The following STK32B variants were observed in gnomAD, a reference collection of about 807,000 sequenced individuals.
The protein encoded by STK32B is serine/threonine-protein kinase 32B.
STK32B carries 43 observed loss-of-function variants against 52.6 expected under a neutral mutation model. The observed-to-expected ratio is 0.82, with a 90% CI of 0.64 to 1.05. The LOEUF is 1.05. STK32B is among the 50% of genes least tolerant of loss of function. The pLI, the probability that STK32B is intolerant of heterozygous loss-of-function variation, is 0.00. For synonymous variants in STK32B, 238 were observed against 204.3 expected, an observed-to-expected ratio of 1.17 and a Z score of -1.41; for missense variants, 621 against 534.6, an observed-to-expected ratio of 1.16 and a Z score of -1.59.
Position 5,496,378 on chromosome 4 carries a change from G to A in STK32B, c.1107-2567G>A, listed in dbSNP as rs147665993. On this transcript the variant is annotated intron_variant, in intron 11 of 11. Transcript: ENST00000282908. ...AGACTCCGTGGGCATAGGACCCTCC[G>A]AGCCAGGTGCGGGATATCTCCTGGT... Among the ~76,000 whole-genome samples, 1,169 of 152,292 alleles carry A rather than the reference G, an allele frequency of 7.7e-3. 16 individuals are homozygous for A. Among genetic ancestry groups the A allele is most frequent in the African/African-American group, 0.027 (1,107 of 41,548 alleles).
At chr4:5,405,816 G>A (rs1479936193) in intron 5 of STK32B, among the ~76,000 whole-genome samples, 2 of 152,076 alleles carry the variant, frequency 1.3e-5, no homozygotes, top group East Asian at 1.9e-4. Flanking sequence ...CAACACTGGG[G>A]ATTACAATTA....
chr4:5,484,608 C>T lies in STK32B; in HGVS notation c.1107-14337C>T, dbSNP rs554461199. The stretch of plus-strand genomic sequence containing the variant: ...TTTACATTTCAGGTTAATATTGTTA[C>T]GTGTGAATTTGATCCTGTCATTATG... On this transcript the variant is annotated intron_variant, in intron 11 of 11. Transcript: ENST00000282908. Among the ~76,000 whole-genome samples, 246 of 152,090 alleles carry T rather than the reference C, an allele frequency of 1.6e-3. 1 individual carries two copies. The highest frequency in any genetic ancestry group is 5.0e-3 in the African/African-American group (209 of 41,506).
intron 3 of STK32B, among the ~76,000 whole-genome samples, chr4:5,233,419 A>G (rs955372438): frequency 6.6e-6 from 1 of 152,176 alleles, no homozygotes; most frequent in African/African-American, 2.4e-5. Flanking sequence ...CAAATAGGAT[A>G]GCTTGTAAAG....
chr4:5,343,575 C>T (rs187506101), intron 4 of STK32B, among the ~76,000 whole-genome samples: 3 of 152,098 alleles, frequency 2.0e-5, no homozygotes, highest in Admixed American at 2.0e-4. Context: ...CAACATAATT[C>T]AAGATGGATT....
chr4:5,314,999 A>G (rs902293717), intron 3 of STK32B, among the ~76,000 whole-genome samples: 1 of 152,216 alleles, frequency 6.6e-6, no homozygotes, highest in Non-Finnish European at 1.5e-5. Context: ...TTGAAGATTT[A>G]TGCTCGGCAG....
At chr4:5,052,703 C>T (rs762649632) in intron 1 of STK32B, among the ~76,000 whole-genome samples, 7 of 152,178 alleles carry the variant, frequency 4.6e-5, no homozygotes, top group Admixed American at 6.5e-5. Flanking sequence ...AGCTTAACCA[C>T]TAGTAATCCA....
At chr4:5,093,705 A>C (rs572202600) in intron 1 of STK32B, among the ~76,000 whole-genome samples, 1 of 147,484 alleles carries the variant, frequency 6.8e-6, no homozygotes, top group East Asian at 2.0e-4. Context: ...TAAAACTTAA[A>C]GTATAATGAA....
intron 11 of STK32B, among the ~76,000 whole-genome samples, chr4:5,495,139 G>A (rs1720105855): frequency 6.6e-6 from 1 of 152,194 alleles, no homozygotes; most frequent in Non-Finnish European, 1.5e-5. Context: ...CTAGATTGGG[G>A]AAGTTCTCCT....
rs963508738 is a variant in STK32B at position 5,373,523 on chromosome 4, G to T, written c.435-24684G>T. Among the ~76,000 whole-genome samples the T allele has an allele frequency of 1.3e-5, 2 of 152,172 alleles. 1 individual carries two copies. The highest frequency in any genetic ancestry group is 2.9e-5 in the Non-Finnish European group (2 of 68,026). On this transcript the variant is annotated intron_variant, in intron 4 of 11. Transcript: ENST00000282908. Reference sequence around the variant, plus strand: ...GTTCTAGCCAGGCCTTCAACTGATCGGACAAGGCCCACCCCCTCTTAAGGG... The same window carrying T: ...GTTCTAGCCAGGCCTTCAACTGATCTGACAAGGCCCACCCCCTCTTAAGGG...
chr4:5,382,382 A>G (rs1409829943), intron 4 of STK32B, among the ~76,000 whole-genome samples: 2 of 152,312 alleles, frequency 1.3e-5, no homozygotes, highest in African/African-American at 4.8e-5. Flanking sequence ...AAATGAAATA[A>G]TACATGTAAA....
chr4:5,390,847 A>G (rs1736552087), intron 4 of STK32B, among the ~76,000 whole-genome samples: 1 of 151,942 alleles, frequency 6.6e-6, no homozygotes, highest in African/African-American at 2.4e-5. Flanking sequence ...CCTCTCTCCC[A>G]GTTTCCAGTG....
intron 1 of STK32B, among the ~76,000 whole-genome samples, chr4:5,135,102 G>A (rs946528824): frequency 9.8e-5 from 15 of 152,292 alleles, no homozygotes; most frequent in Admixed American, 8.5e-4. Flanking sequence ...TTTATCAGTC[G>A]TGGAATATTT....
At chr4:5,492,430 C>G (rs1460295564) in intron 11 of STK32B, among the ~76,000 whole-genome samples, 4 of 152,034 alleles carry the variant, frequency 2.6e-5, no homozygotes, top group Non-Finnish European at 5.9e-5. Context: ...GATTTTGTAT[C>G]CTGAGACTTT....
At chr4:5,217,935 C>T (rs1397081414) in intron 3 of STK32B, among the ~76,000 whole-genome samples, 1 of 152,172 alleles carries the variant, frequency 6.6e-6, no homozygotes, top group Non-Finnish European at 1.5e-5. Context: ...AGGATTTTGA[C>T]ACATAATGAA....
chr4:5,282,672 G>T (rs956856275), intron 3 of STK32B, among the ~76,000 whole-genome samples: 6 of 152,116 alleles, frequency 3.9e-5, no homozygotes, highest in Non-Finnish European at 8.8e-5. Context: ...TGAGACAGAA[G>T]AAGGATCATC....
At chr4:5,143,089 T>C (rs1313320150) in intron 2 of STK32B, among the ~76,000 whole-genome samples, 11 of 121,420 alleles carry the variant, frequency 9.1e-5, no homozygotes, top group African/African-American at 2.6e-5. Context: ...ATAAATCTGT[T>C]TCTGTCTCTG....
intron 3 of STK32B, among the ~76,000 whole-genome samples, chr4:5,330,413 C>T (rs1732154977): frequency 6.6e-6 from 1 of 152,184 alleles, no homozygotes; most frequent in Admixed American, 6.5e-5. Flanking sequence ...GAATTTGGTA[C>T]TGTATCAATT....
chr4:5,293,619 A>G (rs932489090), intron 3 of STK32B, among the ~76,000 whole-genome samples: 3 of 151,964 alleles, frequency 2.0e-5, no homozygotes, highest in African/African-American at 4.8e-5. Flanking sequence ...TCCTTTGCCC[A>G]CTTTTTGATG....
At chr4:5,184,524 C>T (rs901656418) in intron 3 of STK32B, among the ~76,000 whole-genome samples, 71 of 151,804 alleles carry the variant, frequency 4.7e-4, no homozygotes, top group Middle Eastern at 3.4e-3. Context: ...CCTGTCTCTA[C>T]CAAAAATACA....
Sources: gnomAD v4.1 joint callset for allele counts (sites outside exome capture counted in the v4.1 genomes callset) on GRCh38, gnomAD v4.1.1 for gene constraint, MANE v1.5 for transcripts, NCBI Gene and HGNC (gene_info 2026-07-23, HGNC 2026-07-21) for gene names.